The following METTL6 variants were observed in gnomAD, a reference collection of about 807,000 sequenced individuals.
The protein encoded by METTL6 is methyltransferase 6, tRNA N3-cytidine.
Under a neutral mutation model 26.4 loss-of-function variants are expected in METTL6, and 22 were observed. That is an observed-to-expected ratio of 0.83 (90% confidence interval 0.59 to 1.19). The LOEUF is 1.19. METTL6 is among the 50% of genes most tolerant of loss of function. The pLI is 0.00. For missense variants in METTL6, 304 were observed against 324.8 expected, an observed-to-expected ratio of 0.94 and a Z score of 0.49; for synonymous variants, 109 against 116.2, an observed-to-expected ratio of 0.94 and a Z score of 0.40.
intron 2 of METTL6, 80 bp from the exon 3 acceptor site, chr3:15,425,169 TGA>T (rs1387486653): frequency 5.3e-6 from 8 of 1,520,306 alleles, no homozygotes; most frequent in Non-Finnish European, 7.2e-6. Context: ...GTCCAGAATA[TGA>T]GAGGTCTCCG....
chr3:15,397,434 CG>C (rs963692538), intron 6 of METTL6, among the ~76,000 whole-genome samples: 2 of 151,912 alleles, frequency 1.3e-5, no homozygotes, highest in Non-Finnish European at 2.9e-5. Flanking sequence ...TGTGCTTCCC[CG>C]GGGAGGCGAT....
chr3:15,413,743 T>A, intron 5 of METTL6: 1 of 1,370,084 alleles, frequency 7.3e-7, no homozygotes. Flanking sequence ...TCCAGCACAA[T>A]TCCTAGTAGG....
intron 3 of METTL6, among the ~76,000 whole-genome samples, chr3:15,416,545 A>G (rs998152546): frequency 1.3e-5 from 2 of 152,118 alleles, no homozygotes; most frequent in African/African-American, 4.8e-5. Flanking sequence ...ATGAGCCACT[A>G]TGTCCTGCTG....
At chr3:15,405,893 C>G (rs1699768996), downstream of METTL6, among the ~76,000 whole-genome samples, 1 of 152,120 alleles carries the variant, frequency 6.6e-6, no homozygotes, top group Non-Finnish European at 1.5e-5. Context: ...GTCTGAAGTT[C>G]AAAGAAGTTG....
intron 6 of METTL6, among the ~76,000 whole-genome samples, chr3:15,392,710 C>A (rs970009153): frequency 6.6e-6 from 1 of 152,190 alleles, no homozygotes; most frequent in Admixed American, 6.6e-5. Context: ...CAGCTTTCTA[C>A]ATATGGCTAG....
At chr3:15,419,616 C>A (rs1034917720) in intron 3 of METTL6, among the ~76,000 whole-genome samples, 4 of 152,090 alleles carry the variant, frequency 2.6e-5, no homozygotes, top group African/African-American at 9.7e-5. Flanking sequence ...GAAAAAGGTA[C>A]CTTTACATTA....
At chr3:15,412,367 T>C (rs546610832) in intron 5 of METTL6, among the ~76,000 whole-genome samples, 4 of 152,386 alleles carry the variant, frequency 2.6e-5, no homozygotes, top group African/African-American at 7.2e-5. Flanking sequence ...GAGAACGTGC[T>C]CTGAAGCACT....
chr3:15,417,486 A>G (rs145012913), intron 3 of METTL6, among the ~76,000 whole-genome samples: 29 of 150,954 alleles, frequency 1.9e-4, no homozygotes, highest in Non-Finnish European at 2.5e-4. Flanking sequence ...TAAATAAATA[A>G]AATAGAATGA....
At chr3:15,408,345 T>C (rs774696258), downstream of METTL6, among the ~76,000 whole-genome samples, 19 of 152,096 alleles carry the variant, frequency 1.2e-4, no homozygotes, top group Admixed American at 7.2e-4. Flanking sequence ...ATGTTAAGCT[T>C]CTATGTTCAA....
At chr3:15,413,117 C>A (rs2124975360) in intron 5 of METTL6, among the ~76,000 whole-genome samples, 1 of 152,250 alleles carries the variant, frequency 6.6e-6, no homozygotes, top group Middle Eastern at 3.4e-3. Flanking sequence ...TGGTGGCACA[C>A]ACTTGTAATC....
At position 15,411,121 on chromosome 3, in the gene METTL6, C is replaced by T; in HGVS notation, c.*135G>A. 1.0e-6 allele frequency: 1 copy of T among 960,346 alleles called. No individual in the cohort carries two copies. 59.5% of individuals were successfully genotyped at this position (960,346 alleles called of 1,614,324 possible). On this transcript the variant is annotated 3_prime_UTR_variant, in exon 6 of 6. Transcript: ENST00000383790. ...TGTTGGCCAGGCTGGTCTCAAACTC[C>T]TGACCTCAGATGATCCCCCAACCTC...
At chr3:15,393,690 A>C (rs1239649177) in intron 6 of METTL6, among the ~76,000 whole-genome samples, 1 of 152,152 alleles carries the variant, frequency 6.6e-6, no homozygotes, top group African/African-American at 2.4e-5. Flanking sequence ...TAATTTATTG[A>C]GAGTTTTTAG....
downstream of METTL6, among the ~76,000 whole-genome samples, chr3:15,406,586 TTATATATATATATATATATATATA>T (rs57272118): frequency 2.5e-3 from 45 of 17,890 alleles, 1 homozygote; most frequent in Admixed American, 4.0e-3. Flanking sequence ...AAACAAACAG[TTATATATATATATATATATATATA>T]TATATATATA....
In METTL6 at chr3:15,426,552, T is replaced by TC; in HGVS notation, c.-42dup. 1 of 1,561,536 alleles carries TC rather than the reference T, an allele frequency of 6.4e-7. No individual in the cohort carries two copies. The highest frequency in any genetic ancestry group is 1.4e-5 in the African/African-American group (1 of 73,380). On this transcript the variant is annotated 5_prime_UTR_variant, in exon 2 of 6. An upstream open reading frame in the 5' UTR loses its in-frame stop. Coordinates refer to ENST00000383790, the MANE Select transcript of METTL6 (RefSeq NM_152396.4). ...TAACACTTAACACAGCTGAAGATTC[T>TC]CCATCACCAAATAATATGAATCCAC... is the stretch of plus-strand genomic sequence containing the variant.
At position 15,425,184 on chromosome 3, in the gene METTL6, C is replaced by A. The variant is rs111301725; in HGVS notation, c.226-95G>T. Reference sequence around the variant, plus strand: ...GTCCAGAATATGAGAGGTCTCCGACCCCATGGAGCAGACGATCAACAAGAG... The same window carrying A: ...GTCCAGAATATGAGAGGTCTCCGACACCATGGAGCAGACGATCAACAAGAG... On this transcript the variant is annotated intron_variant, in intron 2 of 5. Transcript: ENST00000383790. 8.3e-5 allele frequency: 111 copies of A among 1,331,620 alleles called. 4 individuals carry two copies. The highest frequency in any genetic ancestry group is 4.2e-4 in the Admixed American group (19 of 45,080). The allele number at this position is 1,331,620 out of a possible 1,614,324, so 82.5% of individuals were successfully genotyped here.
At chr3:15,394,152 T>C (rs1190020618) in intron 6 of METTL6, among the ~76,000 whole-genome samples, 1 of 152,238 alleles carries the variant, frequency 6.6e-6, no homozygotes, top group African/African-American at 2.4e-5. Flanking sequence ...TGGTAAGCTA[T>C]TAATTATTGC....
chr3:15,417,600 C>A (rs577745794), intron 3 of METTL6, among the ~76,000 whole-genome samples: 106 of 151,588 alleles, frequency 7.0e-4, no homozygotes, highest in Non-Finnish European at 7.5e-4. Flanking sequence ...ATCACTGAGA[C>A]AAAACAGAGT....
intron 6 of METTL6, among the ~76,000 whole-genome samples, chr3:15,401,552 A>C (rs1213026096): frequency 1.3e-5 from 2 of 151,542 alleles, no homozygotes; most frequent in Non-Finnish European, 2.9e-5. Flanking sequence ...AAAAAAAAAA[A>C]AAAAAGAAAG....
intron 6 of METTL6, among the ~76,000 whole-genome samples, chr3:15,390,976 G>A (rs1289986429): frequency 6.6e-6 from 1 of 152,178 alleles, no homozygotes; most frequent in East Asian, 1.9e-4. Flanking sequence ...GGCTCTCAGC[G>A]GGATGGGGAG....
Sources: allele counts gnomAD v4.1 joint callset (sites outside exome capture counted in the v4.1 genomes callset), GRCh38; gene constraint gnomAD v4.1.1; transcripts MANE v1.5; gene names NCBI Gene and HGNC (gene_info 2026-07-23, HGNC 2026-07-21).